ASCC3: variants seen among roughly 807,000 people sequenced by gnomAD.
The protein encoded by ASCC3 is activating signal cointegrator 1 complex subunit 3.
In ASCC3, 158 loss-of-function variants were observed where a neutral mutation model predicts 256.3. That is an observed-to-expected ratio of 0.62 (90% CI 0.54 to 0.70). The LOEUF is 0.70. Ranked by LOEUF, ASCC3 falls within the 30% of genes least tolerant of loss-of-function variation. ASCC3 has a pLI of 0.00. For synonymous variants in ASCC3, 948 were observed against 883.4 expected (o/e 1.07, Z -1.30); for missense variants, 2,259 against 2,626.0 (o/e 0.86, Z 3.05).
At chr6:100,598,333 C>CAGCTAAAGAGGTGTG (rs781634608) in intron 34 of ASCC3, among the ~76,000 whole-genome samples, 3 of 152,190 alleles carry the variant, frequency 2.0e-5, no homozygotes, top group Admixed American at 2.0e-4. Context: ...AAATTTCCTA[C>CAGCTAAAGAGGTGTG]AGCTAAAGAG....
At chr6:100,746,726 C>A (rs964906088) in intron 10 of ASCC3, among the ~76,000 whole-genome samples, 1 of 151,900 alleles carries the variant, frequency 6.6e-6, no homozygotes, top group African/African-American at 2.4e-5. Flanking sequence ...AATGAGAAGA[C>A]CTGAAATAAT....
chr6:100,613,640 T>A (rs1773519949), intron 30 of ASCC3, among the ~76,000 whole-genome samples: 2 of 152,312 alleles, frequency 1.3e-5, no homozygotes, highest in East Asian at 1.9e-4. Context: ...AATAAATATA[T>A]GAGTGCAGGT....
intron 4 of ASCC3, among the ~76,000 whole-genome samples, chr6:100,846,488 G>A (rs1319183913): frequency 6.6e-6 from 1 of 152,044 alleles, no homozygotes; most frequent in South Asian, 2.1e-4. Context: ...ATTAACCCTG[G>A]TTGAAAAAAA....
At chr6:100,818,568 CA>C (rs529493065) in intron 4 of ASCC3, among the ~76,000 whole-genome samples, 80 of 103,202 alleles carry the variant, frequency 7.8e-4, no homozygotes, top group Admixed American at 2.2e-3. Flanking sequence ...GACTCCGTCT[CA>C]AAAAAAAAAA....
intron 8 of ASCC3, among the ~76,000 whole-genome samples, chr6:100,776,588 T>C (rs1782199996): frequency 6.6e-6 from 1 of 152,060 alleles, no homozygotes; most frequent in African/African-American, 2.4e-5. Context: ...ATAGAAAGTG[T>C]ATGTTTTGGA....
At chr6:100,643,013 C>T (rs959827647) in intron 23 of ASCC3, among the ~76,000 whole-genome samples, 2 of 152,100 alleles carry the variant, frequency 1.3e-5, no homozygotes. Flanking sequence ...ACCAATTTGA[C>T]TACCTGAATT....
At chr6:100,625,050 A>G (rs903064402) in intron 30 of ASCC3, 142 bp downstream of exon 30, 2 of 957,022 alleles carry the variant, frequency 2.1e-6, no homozygotes, top group Admixed American at 2.4e-5. Flanking sequence ...AGAACAAACT[A>G]TAACAGAATA....
intron 1 of ASCC3, 139 bp downstream of exon 1, chr6:100,880,922 A>T (rs1769272613): frequency 6.6e-6 from 1 of 152,178 alleles, no homozygotes; most frequent in East Asian, 1.9e-4. Flanking sequence ...GAAAAGGATG[A>T]CAGGTCGGGA....
chr6:100,624,841 T>G (rs540339867), intron 30 of ASCC3, among the ~76,000 whole-genome samples: 1 of 152,004 alleles, frequency 6.6e-6, no homozygotes, highest in Non-Finnish European at 1.5e-5. Context: ...TATATATTAG[T>G]GCTTCCTAAA....
chr6:100,828,493 G>A (rs1183079677), intron 4 of ASCC3, among the ~76,000 whole-genome samples: 1 of 152,130 alleles, frequency 6.6e-6, no homozygotes, highest in African/African-American at 2.4e-5. Flanking sequence ...GAATGAAGCC[G>A]CGGACCCTCG....
chr6:100,569,451 G>A (rs1770468158), intron 36 of ASCC3, among the ~76,000 whole-genome samples: 1 of 151,780 alleles, frequency 6.6e-6, no homozygotes, highest in African/African-American at 2.4e-5. Context: ...GCGCAATCTT[G>A]GCTCCACTGC....
intron 10 of ASCC3, among the ~76,000 whole-genome samples, chr6:100,748,645 C>A (rs79639978): frequency 6.6e-6 from 1 of 151,882 alleles, no homozygotes; most frequent in African/African-American, 2.4e-5. Flanking sequence ...ACAATGTATT[C>A]GCCTGCTCAA....
intron 13 of ASCC3, among the ~76,000 whole-genome samples, chr6:100,683,020 T>C (rs1277628295): frequency 6.6e-6 from 1 of 152,160 alleles, no homozygotes; most frequent in Non-Finnish European, 1.5e-5. Context: ...AATTGGTTAA[T>C]AATTACTACC....
Position 100,614,467 on chromosome 6 carries a change from G to T in ASCC3, c.4786-7379C>A, listed in dbSNP as rs370882619. Among the ~76,000 whole-genome samples, 32 of 152,202 alleles carry T rather than the reference G, an allele frequency of 2.1e-4. No individual in the cohort carries two copies. In the South Asian group the frequency reaches 3.5e-3, roughly 17 times the overall value. On this transcript the variant is annotated intron_variant, in intron 30 of 41. Coordinates refer to ENST00000369162, the MANE Select transcript of ASCC3 (RefSeq NM_006828.4). The stretch of plus-strand genomic sequence containing the variant: ...TTAACTATGTTTCGGTATCTTAAAC[G>T]TATTAACACATGTAATCCTCACAAC...
intron 4 of ASCC3, among the ~76,000 whole-genome samples, chr6:100,822,863 T>C (rs1033442132): frequency 1.3e-5 from 2 of 152,166 alleles, no homozygotes; most frequent in Non-Finnish European, 2.9e-5. Context: ...TCCTTACATA[T>C]CTTAGCTATT....
intron 10 of ASCC3, among the ~76,000 whole-genome samples, chr6:100,757,077 T>C (rs919917136): frequency 4.6e-5 from 7 of 152,288 alleles, no homozygotes; most frequent in Admixed American, 3.9e-4. Context: ...TCTTTTGATG[T>C]AATGAAAGAG....
intron 10 of ASCC3, among the ~76,000 whole-genome samples, chr6:100,735,633 A>G (rs1385121163): frequency 6.6e-6 from 1 of 152,158 alleles, no homozygotes; most frequent in East Asian, 1.9e-4. Context: ...CAAACCCTAC[A>G]TTCAGCAATC....
chr6:100,813,569 C>A (rs1471260398), intron 4 of ASCC3, among the ~76,000 whole-genome samples: 1 of 151,956 alleles, frequency 6.6e-6, no homozygotes, highest in Non-Finnish European at 1.5e-5. Context: ...AAGCAAGTAA[C>A]TTCAGATGAT....
Position 100,627,695 on chromosome 6 carries a change from A to C in ASCC3, c.4537T>G (p.Phe1513Val). 1 of 1,613,666 alleles carries C rather than the reference A, an allele frequency of 6.2e-7. No individual in the cohort carries two copies. The highest frequency in any genetic ancestry group is 8.5e-7 in the Non-Finnish European group (1 of 1,179,780). The change falls in exon 29 of 42, where the codon TTC (phenylalanine) becomes GTC (valine). Residue 1513 changes from phenylalanine to valine, a missense_variant. Physicochemically the swap from Phe to Val is conservative, Grantham distance 50. This residue lies in a region of ASCC3 where 1,839 missense variants were observed against 2,206.7 expected (regional missense o/e 0.83). Coordinates refer to ENST00000369162, the MANE Select transcript of ASCC3 (RefSeq NM_006828.4). ...GGAACTGGGCGTACTGATGGTCGGA[A>C]GTTAAACAAGCCCATCTAGAGTAAA... ...LNIKQMGLFNFRPSVRPVPLE... is the reference protein window; with the variant it reads ...LNIKQMGLFNVRPSVRPVPLE...
Sources: gnomAD v4.1 joint callset for allele counts (sites outside exome capture counted in the v4.1 genomes callset) on GRCh38, gnomAD v4.1.1 for gene constraint, gnomAD v4.1.1 regional missense constraint, MANE v1.5 for transcripts, NCBI Gene and HGNC (gene_info 2026-07-23, HGNC 2026-07-21) for gene names.